Variants in MSL1 observed in about 807,000 individuals in gnomAD.
MSL1 encodes the protein MSL complex subunit 1, also known as male-specific lethal 1 homolog.
Under a neutral mutation model 64.6 loss-of-function variants are expected in MSL1, and 21 were observed. The observed-to-expected ratio is 0.33, with a 90% confidence interval of 0.23 to 0.47. MSL1 has a LOEUF of 0.47. Among genes scored for constraint, MSL1 ranks in the 20% least tolerant of loss-of-function variants. The probability of loss-of-function intolerance (pLI) is 1.00; values close to 1 mark genes in which losing one functional copy is unlikely to be tolerated. For synonymous variants in MSL1, 339 were observed against 329.6 expected (o/e 1.03, Z -0.31); for missense variants, 664 against 793.2 (o/e 0.84, Z 1.96).
chr17:40,122,701 C>T lies in MSL1; in HGVS notation c.89C>T (p.Ala30Val). 6.7e-7 allele frequency: 1 copy of T among 1,484,136 alleles called. No individual in the cohort carries two copies. The highest frequency in any genetic ancestry group is 8.9e-7 in the Non-Finnish European group (1 of 1,124,716). The allele number at this position is 1,484,136 out of a possible 1,614,324, so 91.9% of individuals were successfully genotyped here. ...CGACTGGACTACGAGCGGGCTGCGG[C>T]GCTGGGCGGGCCCGAGGACGAGCCT... ...EQRLDYERAAALGGPEDEPGA... is the reference protein window; with the variant it reads ...EQRLDYERAAVLGGPEDEPGA... Residue 30 changes from alanine to valine, a missense_variant, in exon 1 of 9, where the codon GCG becomes GTG. Physicochemically the swap from Ala to Val is moderately conservative, Grantham distance 64 (BLOSUM62 0). This residue lies in a region of MSL1 where 466 missense variants were observed against 499.0 expected (regional missense o/e 0.93). Transcript: ENST00000398532. This position sits in a 1 kb window ranked among gnomAD's most constrained non-coding sequence, Gnocchi z 4.2.
intron 6 of MSL1, 162 bp from the exon 7 acceptor site, chr17:40,133,372 A>G (rs1988478913): frequency 1.1e-6 from 1 of 921,066 alleles, no homozygotes; most frequent in African/African-American, 1.7e-5. Context: ...GGTAGACCTA[A>G]ACAGCTCTCC....
In MSL1 at chr17:40,123,367, C is replaced by CA. The variant is rs1988236560; in HGVS notation, c.756dup (p.Glu253ArgfsTer10). The CA allele has an allele frequency of 6.5e-7, 1 of 1,536,180 alleles. No homozygotes were observed. The highest frequency in any genetic ancestry group is 2.0e-5 in the Admixed American group (1 of 50,936). On this transcript the variant is annotated frameshift_variant, in exon 1 of 9. Transcript: ENST00000398532. LOFTEE classifies it high-confidence loss of function. The stretch of plus-strand genomic sequence containing the variant: ...GAAAAGGAGATCGAGGAGCTGAAGT[C>CA]AGAGAGAGACACGGTACGGGAGGGG...
In MSL1 at chr17:40,122,710, G is replaced by C. The variant is rs1355610498; in HGVS notation, c.98G>C (p.Gly33Ala). ...LDYERAAALGGPEDEPGAAEA... is the reference protein window; with the variant it reads ...LDYERAAALGAPEDEPGAAEA... ...TACGAGCGGGCTGCGGCGCTGGGCGGGCCCGAGGACGAGCCTGGGGCGGCC... is the reference window on the plus strand; with the variant it reads ...TACGAGCGGGCTGCGGCGCTGGGCGCGCCCGAGGACGAGCCTGGGGCGGCC... The change falls in exon 1 of 9, where the codon GGG (glycine) becomes GCG (alanine). Residue 33 changes from glycine (G) to alanine (A), a missense_variant. By Grantham distance (60) the Gly-to-Ala change is moderately conservative. Around this residue, in one of 4 missense-constraint regions of MSL1, gnomAD observed 466 missense variants for 499.0 expected, o/e 0.93. Coordinates refer to ENST00000398532, the MANE Select transcript of MSL1 (RefSeq NM_001365919.1). This position sits in a 1 kb window ranked among gnomAD's most constrained non-coding sequence, Gnocchi z 4.2. 1 of 1,480,942 alleles carries C rather than the reference G, an allele frequency of 6.8e-7. No individual in the cohort carries two copies. Among genetic ancestry groups the C allele is most frequent in the Admixed American group, 2.3e-5 (1 of 42,832 alleles). 91.7% of individuals were successfully genotyped at this position (1,480,942 alleles called of 1,614,324 possible). A position where few individuals can be genotyped will look rare whatever the true frequency, so the allele number is the denominator to read the frequency against.
At chr17:40,133,983 C>T in intron 8 of MSL1, 84 bp downstream of exon 8, 1 of 1,294,978 alleles carries the variant, frequency 7.7e-7, no homozygotes, top group Non-Finnish European at 1.1e-6. Context: ...TGAGGTGGAA[C>T]CAGGTGGCTT....
At position 40,133,615 on chromosome 17, in the gene MSL1, A is replaced by G. The variant is rs1988483260; in HGVS notation, c.1638A>G (p.Glu546=). The G allele has an allele frequency of 1.1e-5, 17 of 1,613,654 alleles. No homozygotes were observed. Among genetic ancestry groups the G allele is most frequent in the Non-Finnish European group, 1.4e-5 (17 of 1,179,734 alleles). Residue 546 remains glutamate (E), a synonymous_variant, in exon 7 of 9, where the codon GAA becomes GAG. Transcript: ENST00000398532. ...TGTATAAAAAGAAAGGAATTCAGGA[A>G]TCTGAGCCTGAGGTTACCTCATTTT... The part of the protein sequence containing the change: ...LRMYKKKGIQ[E]SEPEVTSFFP...
chr17:40,127,045 G>C (rs1439452967), intron 2 of MSL1, among the ~76,000 whole-genome samples: 7 of 151,998 alleles, frequency 4.6e-5, no homozygotes, highest in Admixed American at 6.6e-5. Flanking sequence ...ACATAGAAAA[G>C]TAAAATACAG....
rs552000388 is a variant in MSL1, at chr17:40,135,343, A to G, written c.*974A>G. ...GAGCTTCTCCATTCACTTTGTAAAA[A>G]TAATTTGTATGTGTACCATCTTGGT... is the stretch of plus-strand genomic sequence containing the variant. On this transcript the variant is annotated 3_prime_UTR_variant, in exon 9 of 9. Transcript: ENST00000398532. 6.6e-6 allele frequency: 1 copy of G among 152,398 alleles called. No homozygotes were observed. The highest frequency in any genetic ancestry group is 2.4e-5 in the African/African-American group (1 of 41,552). 9.4% of individuals were successfully genotyped at this position (152,398 alleles called of 1,614,324 possible).
chr17:40,132,653 G>T (rs1297704097), intron 5 of MSL1, among the ~76,000 whole-genome samples: 3 of 152,054 alleles, frequency 2.0e-5, no homozygotes, highest in African/African-American at 7.3e-5. Context: ...ACAAAAAAAA[G>T]CATGTACCCC....
At chr17:40,132,633 T>TCACA (rs200943659) in intron 5 of MSL1, among the ~76,000 whole-genome samples, 2 of 152,010 alleles carry the variant, frequency 1.3e-5, no homozygotes, top group Non-Finnish European at 2.9e-5. Flanking sequence ...AGTGACTCCA[T>TCACA]CACACACACA....
At position 40,122,467 on chromosome 17, in the gene MSL1, G is replaced by A. The variant is rs907871175; in HGVS notation, c.-146G>A. 1.4e-5 allele frequency: 7 copies of A among 515,612 alleles called. No individual in the cohort carries two copies. The highest frequency in any genetic ancestry group is 3.1e-6 in the Non-Finnish European group (1 of 325,888). 31.9% of individuals were successfully genotyped at this position (515,612 alleles called of 1,614,324 possible). A position where few individuals can be genotyped will look rare whatever the true frequency, so the allele number is the denominator to read the frequency against. On this transcript the variant is annotated 5_prime_UTR_variant, in exon 1 of 9. Coordinates refer to ENST00000398532, the MANE Select transcript of MSL1 (RefSeq NM_001365919.1). The surrounding 1 kb of genome is among the most constrained non-coding windows in gnomAD (Gnocchi z 4.2). ...GGCGGGATGGCGCCCGGGCCCCGGA[G>A]GAGCCGCGCTAGCGGAGGCCTGCTG...
Position 40,131,798 on chromosome 17 carries a change from G to A in MSL1, c.1423+214G>A. 1.6e-6 allele frequency: 1 copy of A among 625,324 alleles called. No homozygotes were observed. Among genetic ancestry groups the A allele is most frequent in the Admixed American group, 2.9e-5 (1 of 34,482 alleles). The allele number at this position is 625,324 out of a possible 1,614,324, so 38.7% of individuals were successfully genotyped here. On this transcript the variant is annotated intron_variant, in intron 4 of 8. Coordinates refer to ENST00000398532, the MANE Select transcript of MSL1 (RefSeq NM_001365919.1). The surrounding 1 kb of genome is among the most constrained non-coding windows in gnomAD (Gnocchi z 4.5). Reference sequence around the variant, plus strand: ...TCATTATATGAATTGTCAGGTATTGGTTTAGGGTTTTTGTGATCCTGAGTT... The same window carrying A: ...TCATTATATGAATTGTCAGGTATTGATTTAGGGTTTTTGTGATCCTGAGTT...
rs943725388 is a variant in MSL1 at position 40,129,835 on chromosome 17, T to G, written c.1375+208T>G. 3 of 555,608 alleles carry G rather than the reference T, an allele frequency of 5.4e-6. No homozygotes were observed. In the African/African-American group the frequency reaches 5.8e-5, roughly 11 times the overall value. 34.4% of individuals were successfully genotyped at this position (555,608 alleles called of 1,614,324 possible). ...AAATGTGCTCAATGTATTTGCCTGC[T>G]TACAACACTGGGAGATGTGTTTGCC... On this transcript the variant is annotated intron_variant, in intron 3 of 8. Coordinates refer to ENST00000398532, the MANE Select transcript of MSL1 (RefSeq NM_001365919.1).
In MSL1 at chr17:40,131,568, A is replaced by T; in HGVS notation, c.1407A>T (p.Glu469Asp). ...RCLMPSSVAG[E>D]TSVLAVPSWR... ...TGATGCCATCAAGTGTTGCAGGAGA[A>T]ACTTCAGTCTTGGCTGGTGAGTAGA... Residue 469 changes from glutamate to aspartate, a missense_variant, in exon 4 of 9, where the codon GAA becomes GAT. Around this residue, in one of 4 missense-constraint regions of MSL1, gnomAD observed 119 missense variants for 164.3 expected, o/e 0.72. Coordinates refer to ENST00000398532, the MANE Select transcript of MSL1 (RefSeq NM_001365919.1). The surrounding 1 kb of genome is among the most constrained non-coding windows in gnomAD (Gnocchi z 4.5). The T allele has an allele frequency of 6.2e-7, 1 of 1,613,850 alleles. No individual in the cohort carries two copies. Among genetic ancestry groups the T allele is most frequent in the Non-Finnish European group, 8.5e-7 (1 of 1,179,786 alleles).
rs1237585972 is a variant in MSL1, at chr17:40,123,170, C to T, written c.558C>T (p.Thr186=). ...CCGGGCCGCCACCCCTCGCGCCCAC[C>T]GCCACCGCCGGGACCCTGGCGGCCA... The part of the protein sequence containing the change: ...PLPGPPPLAP[T]ATAGTLAASE... Residue 186 remains threonine, a synonymous_variant, in exon 1 of 9, where the codon ACC becomes ACT. Transcript: ENST00000398532. 7.2e-6 allele frequency: 11 copies of T among 1,534,524 alleles called. No homozygotes were observed. Among genetic ancestry groups the T allele is most frequent in the Non-Finnish European group, 9.6e-6 (11 of 1,146,366 alleles).
Position 40,122,923 on chromosome 17 carries a change from G to A in MSL1, c.311G>A (p.Cys104Tyr). ...ESWGGSVPLP[C>Y]PPPATKQAGI... ...TGGGGCGGTTCGGTGCCCTTGCCCT[G>A]TCCGCCCCCGGCCACCAAGCAAGCC... The change falls in exon 1 of 9, where the codon TGT (cysteine) becomes TAT (tyrosine). Residue 104 changes from cysteine (C) to tyrosine (Y), a missense_variant. Physicochemically the swap from Cys to Tyr is radical, Grantham distance 194 (BLOSUM62 -2). Around this residue, in one of 4 missense-constraint regions of MSL1, gnomAD observed 466 missense variants for 499.0 expected, o/e 0.93. Transcript: ENST00000398532. This position sits in a 1 kb window ranked among gnomAD's most constrained non-coding sequence, Gnocchi z 4.2. 2.6e-6 allele frequency: 4 copies of A among 1,515,994 alleles called. No homozygotes were observed. The highest frequency in any genetic ancestry group is 3.5e-6 in the Non-Finnish European group (4 of 1,139,264). The allele number at this position is 1,515,994 out of a possible 1,614,324, so 93.9% of individuals were successfully genotyped here. A position where few individuals can be genotyped will look rare whatever the true frequency, so the allele number is the denominator to read the frequency against.
Position 40,122,285 on chromosome 17 carries a change from G to T in MSL1, c.-328G>T, listed in dbSNP as rs1001263871. 12 of 155,670 alleles carry T rather than the reference G, an allele frequency of 7.7e-5. No individual in the cohort carries two copies. Among genetic ancestry groups the T allele is most frequent in the South Asian group, 3.8e-4 (2 of 5,292 alleles). The allele number at this position is 155,670 out of a possible 1,614,324, so 9.6% of individuals were successfully genotyped here. On this transcript the variant is annotated 5_prime_UTR_variant, in exon 1 of 9. Coordinates refer to ENST00000398532, the MANE Select transcript of MSL1 (RefSeq NM_001365919.1). This position sits in a 1 kb window ranked among gnomAD's most constrained non-coding sequence, Gnocchi z 4.2. Reference sequence around the variant, plus strand: ...GACGAGGCGGGCCCGGCCGGGCCAGGGGGGGCCGAAGCGAGCTCCGGGGAT... The same window carrying T: ...GACGAGGCGGGCCCGGCCGGGCCAGTGGGGGCCGAAGCGAGCTCCGGGGAT...
Position 40,134,420 on chromosome 17 carries a change from A to G in MSL1, c.*51A>G, listed in dbSNP as rs1473885451. ...AGATAGTTGTAGCATGCCATTCCCG[A>G]GAGTGGCAGAGACCTGTATATGTGA... On this transcript the variant is annotated 3_prime_UTR_variant, in exon 9 of 9. Transcript: ENST00000398532. The G allele has an allele frequency of 7.0e-7, 1 of 1,429,180 alleles. No homozygotes were observed. The highest frequency in any genetic ancestry group is 9.7e-7 in the Non-Finnish European group (1 of 1,034,960). The allele number at this position is 1,429,180 out of a possible 1,614,324, so 88.5% of individuals were successfully genotyped here. A position where few individuals can be genotyped will look rare whatever the true frequency, so the allele number is the denominator to read the frequency against.
intron 5 of MSL1, 55 bp from the exon 6 acceptor site, chr17:40,132,987 G>T (rs1988470332): frequency 6.8e-7 from 1 of 1,478,934 alleles, no homozygotes; most frequent in African/African-American, 1.4e-5. Flanking sequence ...GTTAGTATAT[G>T]TGTGTAACTA....
rs935881931 is a variant in MSL1, at chr17:40,121,990, G to A, written c.-623G>A. Among the ~76,000 whole-genome samples the A allele has an allele frequency of 6.6e-6, 1 of 152,094 alleles. No homozygotes were observed. Among genetic ancestry groups the A allele is most frequent in the African/African-American group, 2.4e-5 (1 of 41,430 alleles). ...CCGCGCATGCGTCCTCCGGTTGGCG[G>A]CGGCTGCGGCGGTGGCGGCTACGAG... is the stretch of plus-strand genomic sequence containing the variant. On this transcript the variant is annotated 5_prime_UTR_variant, in exon 1 of 9. Coordinates refer to ENST00000398532, the MANE Select transcript of MSL1 (RefSeq NM_001365919.1).
Sources: allele counts gnomAD v4.1 joint callset (sites outside exome capture counted in the v4.1 genomes callset), GRCh38; gene constraint gnomAD v4.1.1; regional missense constraint gnomAD v4.1.1; non-coding constraint Gnocchi (gnomAD v3.1); transcripts MANE v1.5; gene names NCBI Gene and HGNC (gene_info 2026-07-23, HGNC 2026-07-21).